USP15: variants seen among roughly 807,000 people sequenced by gnomAD.
USP15 encodes the protein ubiquitin specific peptidase 15.
A neutral mutation model predicts 127.1 loss-of-function variants in USP15; 18 were observed. That is an observed-to-expected ratio of 0.14 (90% CI 0.10 to 0.21). The LOEUF is 0.21. Ranked by LOEUF, USP15 falls within the 10% of genes least tolerant of loss-of-function variation. The pLI is 1.00. For missense variants in USP15, 805 were observed against 1,159.9 expected, an observed-to-expected ratio of 0.69 and a Z score of 4.44; for synonymous variants, 364 against 393.7, an observed-to-expected ratio of 0.92 and a Z score of 0.89.
At chr12:62,372,484 T>C (rs958048364) in intron 8 of USP15, among the ~76,000 whole-genome samples, 67 of 152,240 alleles carry the variant, frequency 4.4e-4, no homozygotes, top group Non-Finnish European at 6.9e-4. Flanking sequence ...CAATTAAAGT[T>C]TTTTTATTAC....
intron 11 of USP15, among the ~76,000 whole-genome samples, chr12:62,385,224 A>G (rs1290014279): frequency 6.6e-6 from 1 of 151,940 alleles, no homozygotes; most frequent in Non-Finnish European, 1.5e-5. Context: ...CTATGCACCT[A>G]CTAAGTATAA....
At chr12:62,290,321 T>C (rs1006619125) in intron 1 of USP15, among the ~76,000 whole-genome samples, 2 of 152,178 alleles carry the variant, frequency 1.3e-5, no homozygotes, top group Non-Finnish European at 2.9e-5. Context: ...ACATATATAT[T>C]TAGGATTGTT....
chr12:62,330,585 CAAA>C (rs559515896), intron 6 of USP15, among the ~76,000 whole-genome samples: 6 of 95,432 alleles, frequency 6.3e-5, no homozygotes, highest in Admixed American at 1.2e-4. Context: ...GACTCCATCT[CAAA>C]AAAAAAAAAA....
At chr12:62,294,131 T>G in intron 1 of USP15, 48 bp from the exon 2 acceptor site, 2 of 1,593,590 alleles carry the variant, frequency 1.3e-6, no homozygotes, top group Non-Finnish European at 1.7e-6. Context: ...GTTCTACTGT[T>G]CCTGTATTTT....
At chr12:62,303,279 A>G (rs559465449) in intron 3 of USP15, 247 of 155,148 alleles carry the variant, frequency 1.6e-3, no homozygotes, top group Non-Finnish European at 2.3e-3. Flanking sequence ...TGATAAAACA[A>G]TTAGAAAACA....
intron 8 of USP15, among the ~76,000 whole-genome samples, chr12:62,359,633 C>T (rs2066251744): frequency 6.6e-6 from 1 of 152,068 alleles, no homozygotes; most frequent in Admixed American, 6.6e-5. Context: ...TCCACGTGGA[C>T]CTTAGTGGAC....
intron 20 of USP15, among the ~76,000 whole-genome samples, chr12:62,400,454 G>A (rs2067647257): frequency 6.6e-6 from 1 of 151,856 alleles, no homozygotes; most frequent in East Asian, 1.9e-4. Flanking sequence ...ATAGTACTCA[G>A]CACGTGGCAA....
chr12:62,289,636 G>C (rs1298651665), intron 1 of USP15, among the ~76,000 whole-genome samples: 1 of 149,628 alleles, frequency 6.7e-6, no homozygotes, highest in African/African-American at 2.5e-5. Flanking sequence ...CTTTTCTTCT[G>C]TCAAATTTGG....
At chr12:62,275,669 G>A (rs1175469063) in intron 1 of USP15, among the ~76,000 whole-genome samples, 1 of 152,104 alleles carries the variant, frequency 6.6e-6, no homozygotes, top group African/African-American at 2.4e-5. Context: ...CTGTTGAAAT[G>A]CTGGTAGGAA....
chr12:62,265,037 C>T (rs2063160545), intron 1 of USP15, among the ~76,000 whole-genome samples: 2 of 152,112 alleles, frequency 1.3e-5, no homozygotes, highest in Admixed American at 6.5e-5. Context: ...AGCAACTTTT[C>T]TTAATTTAAG....
At chr12:62,359,592 G>T (rs1034134494) in intron 8 of USP15, among the ~76,000 whole-genome samples, 1 of 152,058 alleles carries the variant, frequency 6.6e-6, no homozygotes, top group East Asian at 1.9e-4. Context: ...CTCCATAACC[G>T]TTCTATCTGT....
At chr12:62,378,027 C>T (rs1337830828) in intron 8 of USP15, among the ~76,000 whole-genome samples, 2 of 151,830 alleles carry the variant, frequency 1.3e-5, no homozygotes, top group Admixed American at 1.3e-4. Context: ...GCCAACATGG[C>T]GAAACCCCAA....
At chr12:62,279,125 CTT>C (rs2063577592) in intron 1 of USP15, 2 of 152,042 alleles carry the variant, frequency 1.3e-5, no homozygotes, top group Non-Finnish European at 1.5e-5. Context: ...ATAACTGAAA[CTT>C]TATACCCACT....
chr12:62,268,974 G>C (rs537984239), intron 1 of USP15, among the ~76,000 whole-genome samples: 1 of 151,622 alleles, frequency 6.6e-6, no homozygotes, highest in African/African-American at 2.4e-5. Flanking sequence ...GCCTATTCTG[G>C]ATATTTTATA....
At chr12:62,265,790 T>C (rs992552068) in intron 1 of USP15, among the ~76,000 whole-genome samples, 4 of 152,182 alleles carry the variant, frequency 2.6e-5, no homozygotes, top group Non-Finnish European at 5.9e-5. Context: ...CAAATGATCC[T>C]CTGACTTCAG....
chr12:62,292,998 C>A (rs1033181530), intron 1 of USP15, among the ~76,000 whole-genome samples: 6 of 152,166 alleles, frequency 3.9e-5, no homozygotes, highest in Non-Finnish European at 7.3e-5. Context: ...TGGATATGCT[C>A]TGATAATGAT....
At position 62,401,181 on chromosome 12, in the gene USP15, C is replaced by A; in HGVS notation, c.2675-6C>A. 1 of 1,602,884 alleles carries A rather than the reference C, an allele frequency of 6.2e-7. No individual in the cohort carries two copies. The highest frequency in any genetic ancestry group is 1.1e-5 in the South Asian group (1 of 90,228). ...TTCGTCACAGTGATTATATTTTTTT[C>A]ATTAGATACTGCTTTTGCAAAAAAT... is the stretch of plus-strand genomic sequence containing the variant. On this transcript the variant is annotated splice_polypyrimidine_tract_variant and splice_region_variant and intron_variant, in intron 20 of 21. Transcript: ENST00000280377.
At chr12:62,401,987 A>C (rs1230378257) in intron 21 of USP15, among the ~76,000 whole-genome samples, 1 of 150,680 alleles carries the variant, frequency 6.6e-6, no homozygotes, top group East Asian at 1.9e-4. Flanking sequence ...GAATACTATA[A>C]ATTTTTAAAA....
chr12:62,372,847 A>G (rs893837406), intron 8 of USP15, among the ~76,000 whole-genome samples: 2 of 152,062 alleles, frequency 1.3e-5, no homozygotes, highest in Admixed American at 6.6e-5. Flanking sequence ...TTAAGCTTCC[A>G]TTCTTTAAAA....
Sources: allele counts gnomAD v4.1 joint callset (sites outside exome capture counted in the v4.1 genomes callset), GRCh38; gene constraint gnomAD v4.1.1; transcripts MANE v1.5; gene names NCBI Gene and HGNC (gene_info 2026-07-23, HGNC 2026-07-21).